GSE1: variants seen among roughly 807,000 people sequenced by gnomAD.
GSE1 encodes genetic suppressor element 1.
GSE1 carries 32 observed loss-of-function variants against 112.6 expected under a neutral mutation model. The ratio of observed to expected loss-of-function variants is 0.28; its 90% CI spans 0.21 to 0.38. The LOEUF (loss-of-function observed/expected upper bound fraction) is 0.38, where lower values mean the gene tolerates loss of function less well. Among genes scored for constraint, GSE1 ranks in the 10% least tolerant of loss-of-function variants. The probability of loss-of-function intolerance (pLI) is 1.00; values close to 1 mark genes in which losing one functional copy is unlikely to be tolerated. For missense variants in GSE1, 2,348 were observed against 1,699.2 expected (o/e 1.38, Z -6.71); for synonymous variants, 1,115 against 735.6 (o/e 1.52, Z -8.35).
chr16:85,170,528 A>G, exon 1 of GSE1: 1 of 985,800 alleles, frequency 1.0e-6, no homozygotes, highest in Non-Finnish European at 1.2e-6. Context: ...GACCACAAGG[A>G]ACAGCCTTTC....
chr16:85,517,087 G>A (rs944490178), intron 2 of GSE1, among the ~76,000 whole-genome samples: 4 of 152,206 alleles, frequency 2.6e-5, no homozygotes, highest in South Asian at 2.1e-4. Context: ...GTGAGCCACC[G>A]CGCCCGGCCA....
intron 2 of GSE1, among the ~76,000 whole-genome samples, chr16:85,464,958 C>CT (rs1474571321): frequency 6.6e-6 from 1 of 152,200 alleles, no homozygotes; most frequent in Non-Finnish European, 1.5e-5. Flanking sequence ...AGGGCACTGG[C>CT]TTCGTGCCCT....
At chr16:85,667,057 C>T (rs1349036680) in intron 13 of GSE1, among the ~76,000 whole-genome samples, 2 of 152,266 alleles carry the variant, frequency 1.3e-5, no homozygotes, top group Non-Finnish European at 2.9e-5. Context: ...GGGACTTGAA[C>T]ATCCCTGGCT....
At chr16:85,556,172 T>C (rs911922912) in exon 1 of GSE1, 3 of 982,694 alleles carry the variant, frequency 3.1e-6, no homozygotes, top group Admixed American at 6.2e-5. Flanking sequence ...TTTTTTTTTT[T>C]CGTCGCTCTC....
At chr16:85,662,883 G>A in intron 9 of GSE1, 98 bp from the exon 10 acceptor site, 1 of 843,584 alleles carries the variant, frequency 1.2e-6, no homozygotes, top group Non-Finnish European at 2.0e-6. Flanking sequence ...CAGCAGGCCT[G>A]GCCTGATAGG....
At chr16:85,535,196 C>G (rs140328420) in intron 2 of GSE1, among the ~76,000 whole-genome samples, 117 of 152,322 alleles carry the variant, frequency 7.7e-4, no homozygotes, top group African/African-American at 2.6e-3. Context: ...AAGGCTTGCC[C>G]TGTGTGCTCC....
intron 2 of GSE1, among the ~76,000 whole-genome samples, chr16:85,510,005 G>A (rs541571168): frequency 3.3e-5 from 5 of 152,196 alleles, no homozygotes; most frequent in Non-Finnish European, 5.9e-5. Context: ...TGTTGGAACC[G>A]CATTGAATGT....
chr16:85,357,170 C>T (rs1426540677), intron 1 of GSE1, among the ~76,000 whole-genome samples: 1 of 152,214 alleles, frequency 6.6e-6, no homozygotes, highest in Non-Finnish European at 1.5e-5. Flanking sequence ...GCGAGGGCTC[C>T]AGAAGCTCCA....
intron 2 of GSE1, among the ~76,000 whole-genome samples, chr16:85,643,426 G>T (rs910206053): frequency 1.3e-5 from 2 of 152,206 alleles, no homozygotes; most frequent in South Asian, 4.1e-4. Context: ...TTAGGCCGCT[G>T]AGTGTCAATG....
chr16:85,608,884 A>G (rs1048002123), upstream of GSE1, among the ~76,000 whole-genome samples: 1 of 152,216 alleles, frequency 6.6e-6, no homozygotes, highest in Non-Finnish European at 1.5e-5. Context: ...AACATAATGA[A>G]GGTGACATGC....
chr16:85,630,276 C>T (rs969263406), intron 1 of GSE1, among the ~76,000 whole-genome samples: 1 of 152,220 alleles, frequency 6.6e-6, no homozygotes, highest in African/African-American at 2.4e-5. Context: ...GTGAGTTGCT[C>T]AGTCTGGCCC....
chr16:85,398,225 G>C (rs186453568), intron 2 of GSE1, among the ~76,000 whole-genome samples: 1 of 152,296 alleles, frequency 6.6e-6, no homozygotes, highest in East Asian at 1.9e-4. Context: ...GTGAGATGAA[G>C]TGAGCAGGTG....
intron 2 of GSE1, among the ~76,000 whole-genome samples, chr16:85,445,733 G>A (rs981433849): frequency 2.6e-5 from 4 of 152,186 alleles, no homozygotes; most frequent in Admixed American, 6.5e-5. Flanking sequence ...CTCCTGGCTC[G>A]AGGGAGAGCT....
At chr16:85,193,513 G>C (rs528705431) in intron 1 of GSE1, among the ~76,000 whole-genome samples, 2 of 152,138 alleles carry the variant, frequency 1.3e-5, no homozygotes, top group East Asian at 1.9e-4. Flanking sequence ...AGGCTGAAGT[G>C]CAGTGGTGTG....
intron 2 of GSE1, among the ~76,000 whole-genome samples, chr16:85,525,281 G>A (rs796432354): frequency 9.2e-5 from 14 of 151,992 alleles, no homozygotes; most frequent in African/African-American, 1.4e-4. Context: ...GGTGACCGCC[G>A]GGGGCACAGA....
chr16:85,421,325 G>C (rs1482059311), intron 2 of GSE1, among the ~76,000 whole-genome samples: 2 of 152,070 alleles, frequency 1.3e-5, no homozygotes. Context: ...ATCCTGCGGG[G>C]GTCCTGCTTT....
At chr16:85,332,777 C>A (rs1000422601) in intron 1 of GSE1, among the ~76,000 whole-genome samples, 1 of 152,290 alleles carries the variant, frequency 6.6e-6, no homozygotes, top group East Asian at 1.9e-4. Context: ...AACGCCCTTT[C>A]TCCCCCTCCA....
At chr16:85,567,546 C>T (rs933915804) in intron 1 of GSE1, among the ~76,000 whole-genome samples, 4 of 152,196 alleles carry the variant, frequency 2.6e-5, no homozygotes, top group African/African-American at 9.7e-5. Context: ...GTGGCATGAG[C>T]TTCCTCAAAA....
At chr16:85,526,435 G>T (rs982722730) in intron 2 of GSE1, among the ~76,000 whole-genome samples, 3 of 152,272 alleles carry the variant, frequency 2.0e-5, no homozygotes, top group Admixed American at 1.3e-4. Flanking sequence ...TCCCACGCGC[G>T]CCAGCAGCCA....
Sources: gnomAD v4.1 joint callset for allele counts (sites outside exome capture counted in the v4.1 genomes callset) on GRCh38, gnomAD v4.1.1 for gene constraint, MANE v1.5 for transcripts, NCBI Gene and HGNC (gene_info 2026-07-23, HGNC 2026-07-21) for gene names.